Variants in ITGA8 observed in about 807,000 individuals in gnomAD.
ITGA8 encodes the protein integrin alpha-8.
A neutral mutation model predicts 142.3 loss-of-function variants in ITGA8; 91 were observed. That is an observed-to-expected ratio of 0.64 (90% CI 0.54 to 0.76). The LOEUF (loss-of-function observed/expected upper bound fraction) is 0.76, where lower values mean the gene tolerates loss of function less well. ITGA8 is among the 30% of genes least tolerant of loss of function. The pLI is 0.00. For missense variants in ITGA8, 1,406 were observed against 1,327.7 expected, an observed-to-expected ratio of 1.06 and a Z score of -0.92; for synonymous variants, 505 against 485.2, an observed-to-expected ratio of 1.04 and a Z score of -0.54.
rs537511174 is a variant in ITGA8 at position 15,566,107 on chromosome 10, T to C, written c.2637+6104A>G. Among the ~76,000 whole-genome samples, 46 of 152,244 alleles carry C rather than the reference T, an allele frequency of 3.0e-4. 1 individual carries two copies. The South Asian group carries it at 9.3e-3, about 31-fold the overall frequency. ...AAGCCACTGTCTGCGGGCCCACTCA[T>C]TCTAAAACATAACTCTAAAACTCTC... On this transcript the variant is annotated intron_variant, in intron 25 of 29. Coordinates refer to ENST00000378076, the MANE Select transcript of ITGA8 (RefSeq NM_003638.3).
At chr10:15,698,904 T>G (rs1564414818) in intron 2 of ITGA8, among the ~76,000 whole-genome samples, 1 of 152,218 alleles carries the variant, frequency 6.6e-6, no homozygotes, top group Non-Finnish European at 1.5e-5. Flanking sequence ...GTGCAGAGTC[T>G]TTTCAGTTTA....
intron 22 of ITGA8, among the ~76,000 whole-genome samples, chr10:15,590,343 A>G (rs1051165587): frequency 2.6e-5 from 4 of 152,238 alleles, no homozygotes; most frequent in Non-Finnish European, 5.9e-5. Flanking sequence ...CGGGGAAGCC[A>G]TCTAGAACAC....
intron 3 of ITGA8, 142 bp from the exon 4 acceptor site, chr10:15,684,269 A>G: frequency 4.0e-6 from 3 of 743,706 alleles, no homozygotes; most frequent in Non-Finnish European, 6.2e-6. Flanking sequence ...TGCCTTGGTC[A>G]TCAGAGGTAA....
intron 25 of ITGA8, 141 bp from the exon 26 acceptor site, chr10:15,558,343 T>A (rs1276456219): frequency 1.1e-6 from 1 of 930,404 alleles, no homozygotes; most frequent in Non-Finnish European, 1.6e-6. Context: ...TTACCAGCAG[T>A]GTGTTTAACA....
intron 24 of ITGA8, among the ~76,000 whole-genome samples, chr10:15,574,713 A>T (rs921138074): frequency 8.9e-5 from 11 of 123,882 alleles, no homozygotes; most frequent in East Asian, 3.1e-4. Context: ...GTATATATAT[A>T]TTTTTTTTTT....
intron 28 of ITGA8, among the ~76,000 whole-genome samples, chr10:15,530,794 G>A (rs927216671): frequency 6.6e-6 from 1 of 152,140 alleles, no homozygotes; most frequent in Non-Finnish European, 1.5e-5. Flanking sequence ...GAATTCCTCT[G>A]AATAAAATGT....
In ITGA8 at chr10:15,655,206, T is replaced by A. The variant is rs1393439624; in HGVS notation, c.1001+148A>T. 6.0e-6 allele frequency: 3 copies of A among 501,652 alleles called. No homozygotes were observed. In the African/African-American group the frequency reaches 6.0e-5, roughly 10 times the overall value. 31.1% of individuals were successfully genotyped at this position (501,652 alleles called of 1,614,324 possible). A position where few individuals can be genotyped will look rare whatever the true frequency, so the allele number is the denominator to read the frequency against. ...GACAGAGAATTATTTAATAGATGCA[T>A]CTTCTTGTCTTGAACCAAAAAAGTT... On this transcript the variant is annotated intron_variant, in intron 11 of 29. Transcript: ENST00000378076.
chr10:15,647,159 C>T (rs924341590), intron 11 of ITGA8, 108 bp from the exon 12 acceptor site: 1 of 802,702 alleles, frequency 1.2e-6, no homozygotes, highest in African/African-American at 1.7e-5. Flanking sequence ...TTTTCCTTTT[C>T]TGAGGGTTAT....
chr10:15,599,994 C>T (rs1370157150), intron 20 of ITGA8, among the ~76,000 whole-genome samples: 1 of 152,190 alleles, frequency 6.6e-6, no homozygotes, highest in African/African-American at 2.4e-5. Context: ...GAACTTGCTT[C>T]GGCTACATAA....
At chr10:15,553,633 G>A (rs1464212172) in intron 26 of ITGA8, among the ~76,000 whole-genome samples, 3 of 152,146 alleles carry the variant, frequency 2.0e-5, no homozygotes, top group Non-Finnish European at 4.4e-5. Flanking sequence ...CTGCATCGAT[G>A]AGACACAGAA....
At chr10:15,627,254 A>T (rs1404913887) in intron 13 of ITGA8, among the ~76,000 whole-genome samples, 2 of 152,136 alleles carry the variant, frequency 1.3e-5, no homozygotes, top group African/African-American at 2.4e-5. Flanking sequence ...TCTCTTTCAC[A>T]TGTTTGAGAA....
chr10:15,588,311 T>C (rs1832867670), intron 22 of ITGA8, among the ~76,000 whole-genome samples: 1 of 152,136 alleles, frequency 6.6e-6, no homozygotes, highest in African/African-American at 2.4e-5. Context: ...ATAAAAGATA[T>C]AAACAGGCAA....
At chr10:15,683,681 G>A (rs1230232344) in intron 4 of ITGA8, among the ~76,000 whole-genome samples, 1 of 152,240 alleles carries the variant, frequency 6.6e-6, no homozygotes, top group Non-Finnish European at 1.5e-5. Flanking sequence ...AATAAAGTGG[G>A]CAGTCAGCAT....
chr10:15,608,413 ACACACACACACC>A, intron 15 of ITGA8, 123 bp from the exon 16 acceptor site: 8 of 590,598 alleles, frequency 1.4e-5, no homozygotes, highest in East Asian at 3.0e-5. Context: ...ACACACACAC[ACACACACACACC>A]CACACACACA....
intron 13 of ITGA8, among the ~76,000 whole-genome samples, chr10:15,616,964 G>T (rs924826112): frequency 6.6e-6 from 1 of 152,100 alleles, no homozygotes; most frequent in African/African-American, 2.4e-5. Flanking sequence ...TATGAGGAAG[G>T]GTATTAACCC....
chr10:15,532,728 AC>A (rs35748216), intron 27 of ITGA8, among the ~76,000 whole-genome samples: 29,657 of 144,722 alleles, frequency 0.2, 3,941 homozygotes, highest in African/African-American at 0.38. Flanking sequence ...GGCTCTTGAG[AC>A]CCAAGTGTTA....
At chr10:15,541,799 C>T (rs963086793) in intron 27 of ITGA8, among the ~76,000 whole-genome samples, 3 of 148,416 alleles carry the variant, frequency 2.0e-5, no homozygotes, top group Non-Finnish European at 2.9e-5. Context: ...CACAACCTCA[C>T]AAGTTTTTTT....
At chr10:15,526,474 C>A (rs866639797) in intron 28 of ITGA8, among the ~76,000 whole-genome samples, 1 of 152,072 alleles carries the variant, frequency 6.6e-6, no homozygotes, top group Non-Finnish European at 1.5e-5. Context: ...CCGCACCCGG[C>A]CCATTATAAG....
At chr10:15,686,864 T>C (rs770114406) in intron 3 of ITGA8, among the ~76,000 whole-genome samples, 1 of 152,138 alleles carries the variant, frequency 6.6e-6, no homozygotes, top group Non-Finnish European at 1.5e-5. Flanking sequence ...CTACAGTTAT[T>C]GAATAAATAT....
Sources: allele counts gnomAD v4.1 joint callset (sites outside exome capture counted in the v4.1 genomes callset), GRCh38; gene constraint gnomAD v4.1.1; transcripts MANE v1.5; gene names NCBI Gene and HGNC (gene_info 2026-07-23, HGNC 2026-07-21).